The following MAP3K13 variants were observed in gnomAD, a reference collection of about 807,000 sequenced individuals.
The protein encoded by MAP3K13 is leucine zipper-bearing kinase.
MAP3K13 carries 52 observed loss-of-function variants against 104.0 expected under a neutral mutation model. The observed-to-expected ratio is 0.50, with a 90% confidence interval of 0.40 to 0.63. The LOEUF (loss-of-function observed/expected upper bound fraction) is 0.63, where lower values mean the gene tolerates loss of function less well. MAP3K13 is among the 20% of genes least tolerant of loss of function. The pLI, the probability that MAP3K13 is intolerant of heterozygous loss-of-function variation, is 0.00. For synonymous variants in MAP3K13, 394 were observed against 442.2 expected (o/e 0.89, Z 1.37); for missense variants, 914 against 1,218.5 (o/e 0.75, Z 3.72).
intron 2 of MAP3K13, chr3:185,293,132 T>G (rs1720803508): frequency 2.4e-6 from 2 of 817,264 alleles, no homozygotes; most frequent in Non-Finnish European, 3.0e-6. Context: ...TTTTTCTTTT[T>G]TTTGAGACAG....
Position 185,473,813 on chromosome 3 carries a change from G to C in MAP3K13, c.2430+52G>C, listed in dbSNP as rs780926569. 3.2e-6 allele frequency: 5 copies of C among 1,546,852 alleles called. No homozygotes were observed. The highest frequency in any genetic ancestry group is 4.4e-6 in the Non-Finnish European group (5 of 1,144,520). On this transcript the variant is annotated intron_variant, in intron 11 of 13. Transcript: ENST00000265026. This position sits in a 1 kb window ranked among gnomAD's most constrained non-coding sequence, Gnocchi z 4.9. ...GCGTCACTGCCTTCAAAGAATGCCA[G>C]AGCCTGTCATGTTATACACATTAGA...
At chr3:185,354,628 A>G (rs1324249676) in intron 2 of MAP3K13, among the ~76,000 whole-genome samples, 2 of 151,474 alleles carry the variant, frequency 1.3e-5, no homozygotes, top group Non-Finnish European at 2.9e-5. Context: ...GCAGGGTACT[A>G]AATGTGTTGC....
In MAP3K13 at chr3:185,315,436, G is replaced by C. The variant is rs376899595; in HGVS notation, c.-86+29793G>C. 3.9e-5 allele frequency among the ~76,000 whole-genome samples: 6 copies of C among 152,032 alleles called. No homozygotes were observed. The East Asian group carries it at 1.2e-3, about 29-fold the overall frequency. ...TTTCTGATTCAGTAGGTCTGGTTGG[G>C]GTCTGAGAATCTGCATTTCTAAGAA... On this transcript the variant is annotated intron_variant, in intron 2 of 14. Coordinates refer to the MAP3K13 transcript ENST00000424227. This position sits in a 1 kb window ranked among gnomAD's most constrained non-coding sequence, Gnocchi z 4.3.
chr3:185,386,105 T>G (rs1417918289), intron 1 of MAP3K13, among the ~76,000 whole-genome samples: 1 of 151,872 alleles, frequency 6.6e-6, no homozygotes, highest in African/African-American at 2.4e-5. Flanking sequence ...CAAAAAAAAC[T>G]GTCAACAGAA....
chr3:185,384,549 T>C (rs1711569202), intron 1 of MAP3K13, among the ~76,000 whole-genome samples: 1 of 152,192 alleles, frequency 6.6e-6, no homozygotes, highest in African/African-American at 2.4e-5. Flanking sequence ...CATATTGTTT[T>C]CCATAATGGC....
At chr3:185,325,153 T>C (rs1722004449) in intron 2 of MAP3K13, among the ~76,000 whole-genome samples, 2 of 152,206 alleles carry the variant, frequency 1.3e-5, no homozygotes, top group Non-Finnish European at 2.9e-5. Flanking sequence ...TTACTTACTA[T>C]GACAGAGGAC....
intron 2 of MAP3K13, among the ~76,000 whole-genome samples, chr3:185,295,713 A>G (rs1254539209): frequency 1.3e-5 from 2 of 152,112 alleles, no homozygotes; most frequent in African/African-American, 4.8e-5. Context: ...CACATCTAGC[A>G]TAGTTGTAAT....
intron 1 of MAP3K13, among the ~76,000 whole-genome samples, chr3:185,395,445 G>A (rs1251161919): frequency 1.5e-4 from 12 of 78,796 alleles, no homozygotes; most frequent in South Asian, 6.9e-4. Context: ...TGCAAGCTCC[G>A]CCTCCCGGGT....
intron 1 of MAP3K13, among the ~76,000 whole-genome samples, chr3:185,397,664 T>G (rs182172909): frequency 1.6e-3 from 238 of 152,264 alleles, no homozygotes; most frequent in Non-Finnish European, 2.7e-3. Context: ...TAGGACTGTT[T>G]TTTTCTTTCC....
intron 1 of MAP3K13, among the ~76,000 whole-genome samples, chr3:185,377,833 GGGGCCTT>G (rs1448574784): frequency 6.6e-6 from 1 of 152,216 alleles, no homozygotes; most frequent in East Asian, 1.9e-4. Context: ...GATCTGGGAA[GGGGCCTT>G]GGGCCAGAGT....
chr3:185,472,428 G>A (rs540272561), intron 10 of MAP3K13, among the ~76,000 whole-genome samples: 222 of 152,032 alleles, frequency 1.5e-3, no homozygotes, highest in African/African-American at 5.2e-3. Flanking sequence ...GGCCAGGATG[G>A]TCTCGATCTC....
chr3:185,426,564 T>G (rs1456192065), intron 1 of MAP3K13, among the ~76,000 whole-genome samples: 1 of 152,182 alleles, frequency 6.6e-6, no homozygotes, highest in Non-Finnish European at 1.5e-5. Context: ...GTATAAAATC[T>G]CAAACTCAGC....
chr3:185,440,758 C>G (rs1272251390), intron 3 of MAP3K13, among the ~76,000 whole-genome samples: 1 of 152,174 alleles, frequency 6.6e-6, no homozygotes. Flanking sequence ...TCTTTCATCA[C>G]TTACAGCAGC....
At chr3:185,445,915 C>T (rs1475613490) in intron 4 of MAP3K13, among the ~76,000 whole-genome samples, 2 of 152,230 alleles carry the variant, frequency 1.3e-5, no homozygotes, top group Non-Finnish European at 2.9e-5. Context: ...TTACTGCCTA[C>T]TCTCACTTTC....
intron 1 of MAP3K13, among the ~76,000 whole-genome samples, chr3:185,403,510 T>C (rs1712931361): frequency 6.6e-6 from 1 of 152,234 alleles, no homozygotes; most frequent in African/African-American, 2.4e-5. Context: ...TGTACTAATG[T>C]AATTCAAAAA....
chr3:185,378,885 C>T (rs573027175), intron 1 of MAP3K13, among the ~76,000 whole-genome samples: 11 of 152,106 alleles, frequency 7.2e-5, no homozygotes, highest in Admixed American at 2.0e-4. Context: ...GAACCATTGT[C>T]GTGTTTGTAT....
In MAP3K13 at chr3:185,423,424, G is replaced by A. The variant is rs377062837; in HGVS notation, c.-85-5073G>A. ...CTTAAAAGAGATGAGGCAGGGCAAG[G>A]TCAGAGAGGCCAAAGGCAGGAGACA... On this transcript the variant is annotated intron_variant, in intron 1 of 13. Transcript: ENST00000265026. This position sits in a 1 kb window ranked among gnomAD's most constrained non-coding sequence, Gnocchi z 4.1. Among the ~76,000 whole-genome samples, 1 of 152,200 alleles carries A rather than the reference G, an allele frequency of 6.6e-6. No homozygotes were observed. The highest frequency in any genetic ancestry group is 2.4e-5 in the African/African-American group (1 of 41,436).
chr3:185,375,154 T>TTTC (rs1724362222), intron 1 of MAP3K13, among the ~76,000 whole-genome samples: 1 of 152,086 alleles, frequency 6.6e-6, no homozygotes, highest in Non-Finnish European at 1.5e-5. Flanking sequence ...AACCGAGGAA[T>TTTC]TATGTCTGAC....
In MAP3K13 at chr3:185,455,107, GAT is replaced by G. The variant is rs1320996713; in HGVS notation, c.1278+3717_1278+3718del. On this transcript the variant is annotated intron_variant, in intron 7 of 13. Transcript: ENST00000265026. ...AGATATATATATGAGATATATGTGAGATATATGAGATATATGTGAGATATATA... is the reference window on the plus strand; with the variant it reads ...AGATATATATATGAGATATATGTGAGATATGAGATATATGTGAGATATATA... 1.2e-3 allele frequency among the ~76,000 whole-genome samples: 137 copies of G among 110,370 alleles called. 1 individual carries two copies. The highest frequency in any genetic ancestry group is 4.2e-3 in the African/African-American group (120 of 28,536). 72.4% of individuals were successfully genotyped at this position (110,370 alleles called of 152,430 possible).
Sources: gnomAD v4.1 joint callset for allele counts (sites outside exome capture counted in the v4.1 genomes callset) on GRCh38, gnomAD v4.1.1 for gene constraint, Gnocchi (gnomAD v3.1) non-coding constraint, MANE v1.5 for transcripts, NCBI Gene and HGNC (gene_info 2026-07-23, HGNC 2026-07-21) for gene names.